The following NUP210L variants were observed in gnomAD, a reference collection of about 807,000 sequenced individuals.
NUP210L encodes the protein nucleoporin 210 like.
Under a neutral mutation model 208.5 loss-of-function variants are expected in NUP210L, and 74 were observed. The observed-to-expected ratio is 0.35, with a 90% CI of 0.29 to 0.43. NUP210L has a LOEUF of 0.43. Among genes scored for constraint, NUP210L ranks in the 20% least tolerant of loss-of-function variants. The pLI is 1.00. For missense variants in NUP210L, 1,843 were observed against 2,289.4 expected (o/e 0.81, Z 3.98); for synonymous variants, 780 against 816.9 (o/e 0.95, Z 0.77).
At chr1:154,104,029 A>T in exon 13 of NUP210L, 1 of 1,613,748 alleles carries the variant, frequency 6.2e-7, no homozygotes, top group Non-Finnish European at 8.5e-7. Context: ...GAGAAGAGTA[A>T]AGACTCCTTG....
In NUP210L at chr1:154,143,445, C is replaced by T; in HGVS notation, c.472+1G>A. 6.2e-7 allele frequency: 1 copy of T among 1,611,502 alleles called. No individual in the cohort carries two copies. The highest frequency in any genetic ancestry group is 8.5e-7 in the Non-Finnish European group (1 of 1,179,082). On this transcript the variant is annotated splice_donor_variant, in intron 3 of 39. Transcript: ENST00000368559. LOFTEE classifies it high-confidence loss of function. ...TTGTTGAATCCTCTGAAGTTCTTTA[C>T]CTTCAGCATCCAATGCCCTCACCAT...
intron 8 of NUP210L, 43 bp downstream of exon 8, chr1:154,129,234 C>A (rs757548657): frequency 9.2e-6 from 11 of 1,198,320 alleles, no homozygotes; most frequent in Admixed American, 3.9e-5. Flanking sequence ...TTAGTGAAAT[C>A]ATTTAAGCTA....
At chr1:154,112,501 G>A (rs1019486029) in intron 12 of NUP210L, among the ~76,000 whole-genome samples, 5 of 152,092 alleles carry the variant, frequency 3.3e-5, no homozygotes, top group Admixed American at 2.0e-4. Context: ...TGGATACTCC[G>A]TTTACCCTGA....
At chr1:154,012,322 T>C in exon 34 of NUP210L, 1 of 1,613,724 alleles carries the variant, frequency 6.2e-7, no homozygotes, top group Non-Finnish European at 8.5e-7. Context: ...GTGAGATAAG[T>C]CTTGAGGTCA....
intron 1 of NUP210L, among the ~76,000 whole-genome samples, chr1:154,154,590 C>A (rs1659595307): frequency 6.6e-6 from 1 of 152,198 alleles, no homozygotes. Context: ...AGGCCAGTCC[C>A]ACATCCCGAG....
intron 33 of NUP210L, among the ~76,000 whole-genome samples, chr1:154,015,611 A>G (rs1651192709): frequency 6.6e-6 from 1 of 151,772 alleles, no homozygotes; most frequent in Non-Finnish European, 1.5e-5. Context: ...TCCCAGCTAC[A>G]TGGGAGGCTG....
chr1:153,993,255 C>G (rs1301210844), intron 38 of NUP210L, among the ~76,000 whole-genome samples, 166 bp from the exon 39 acceptor site: 1 of 152,112 alleles, frequency 6.6e-6, no homozygotes, highest in Non-Finnish European at 1.5e-5. Context: ...TTTAGAGTTA[C>G]TTTCAGCTTT....
At chr1:154,146,611 A>AT (rs1659123748) in intron 2 of NUP210L, among the ~76,000 whole-genome samples, 1 of 82,174 alleles carries the variant, frequency 1.2e-5, no homozygotes, top group Non-Finnish European at 2.3e-5. Flanking sequence ...GCAAGATCCC[A>AT]TCCCCCCTCC....
chr1:154,095,080 G>A, exon 15 of NUP210L: 1 of 1,614,098 alleles, frequency 6.2e-7, no homozygotes, highest in East Asian at 2.2e-5. Flanking sequence ...CAAGATCCAT[G>A]GACGAGGACC....
intron 20 of NUP210L, 73 bp from the exon 21 acceptor site, chr1:154,058,766 C>T (rs1031940931): frequency 6.7e-7 from 1 of 1,491,430 alleles, no homozygotes; most frequent in South Asian, 1.2e-5. Context: ...ACTATTTTCA[C>T]CCAAAGCAGA....
At chr1:154,097,294 C>T (rs1656224050) in intron 14 of NUP210L, among the ~76,000 whole-genome samples, 2 of 152,062 alleles carry the variant, frequency 1.3e-5, no homozygotes, top group Admixed American at 6.6e-5. Flanking sequence ...GTAGAACACA[C>T]ATATTTTTAA....
At chr1:154,056,924 T>A in exon 23 of NUP210L, 1 of 1,608,436 alleles carries the variant, frequency 6.2e-7, no homozygotes, top group Non-Finnish European at 8.5e-7. Context: ...ATTTTCAGAG[T>A]ATTCGTCCTG....
At chr1:154,001,605 G>C in intron 36 of NUP210L, 130 bp downstream of exon 36, 1 of 1,035,956 alleles carries the variant, frequency 9.7e-7, no homozygotes, top group South Asian at 1.6e-5. Flanking sequence ...TTCTTCATTT[G>C]ATTTTGTCAT....
In NUP210L at chr1:154,151,811, G is replaced by T. The variant is rs531929615; in HGVS notation, c.340+925C>A. On this transcript the variant is annotated intron_variant, in intron 2 of 39. Transcript: ENST00000368559. The stretch of plus-strand genomic sequence containing the variant: ...TCTAAAAAAAGAGAAAATGCTGTCC[G>T]GGCACGGTGGCTCACACCTATAATC... Among the ~76,000 whole-genome samples the T allele has an allele frequency of 9.3e-4, 141 of 152,038 alleles. 1 individual carries two copies. Among genetic ancestry groups the T allele is most frequent in the Non-Finnish European group, 1.6e-3 (106 of 67,984 alleles).
In NUP210L at chr1:154,126,375, A is replaced by C. The variant is rs1216918197; in HGVS notation, c.1274T>G (p.Leu425Arg). 2 of 1,613,652 alleles carry C rather than the reference A, an allele frequency of 1.2e-6. No individual in the cohort carries two copies. Among genetic ancestry groups the C allele is most frequent in the Admixed American group, 1.7e-5 (1 of 59,948 alleles). ...ATTTATTACCACAACACCATCTTTC[A>C]GGGCTTTTACTATATGGTAAGATCC... is the stretch of plus-strand genomic sequence containing the variant. Residue 425 changes from leucine to arginine, a missense_variant, in exon 10 of 40, where the codon CTG becomes CGG. Physicochemically the swap from Leu to Arg is moderately radical, Grantham distance 102. Transcript: ENST00000368559.
intron 35 of NUP210L, among the ~76,000 whole-genome samples, chr1:154,009,063 C>G (rs1463056446): frequency 6.6e-6 from 1 of 152,028 alleles, no homozygotes; most frequent in Admixed American, 6.6e-5. Context: ...GTGCCTCCCA[C>G]CACGCCTGGC....
chr1:154,075,178 G>A (rs1654969750), intron 16 of NUP210L, among the ~76,000 whole-genome samples: 1 of 152,142 alleles, frequency 6.6e-6, no homozygotes, highest in Non-Finnish European at 1.5e-5. Flanking sequence ...CCAGATGTTT[G>A]TACATCACTA....
chr1:154,095,516 T>C (rs1460775351), intron 14 of NUP210L, among the ~76,000 whole-genome samples: 1 of 152,222 alleles, frequency 6.6e-6, no homozygotes, highest in Non-Finnish European at 1.5e-5. Flanking sequence ...CTAATAATTT[T>C]TGTTGTTTTC....
At chr1:154,052,878 G>A (rs1653606103) in intron 25 of NUP210L, among the ~76,000 whole-genome samples, 1 of 152,216 alleles carries the variant, frequency 6.6e-6, no homozygotes, top group Non-Finnish European at 1.5e-5. Context: ...CTCCCAGTCT[G>A]TGTGCCATAG....
Sources: allele counts gnomAD v4.1 joint callset (sites outside exome capture counted in the v4.1 genomes callset), GRCh38; gene constraint gnomAD v4.1.1; transcripts MANE v1.5; gene names NCBI Gene and HGNC (gene_info 2026-07-23, HGNC 2026-07-21).